Variants in PTPRD observed in about 807,000 individuals in gnomAD.
PTPRD encodes the protein receptor-type tyrosine-protein phosphatase delta.
PTPRD carries 34 observed loss-of-function variants against 214.5 expected under a neutral mutation model. That is an observed-to-expected ratio of 0.16 (90% CI 0.12 to 0.21). The LOEUF is 0.21. PTPRD is among the 10% of genes least tolerant of loss of function. PTPRD has a pLI of 1.00. For missense variants in PTPRD, 2,545 were observed against 2,398.7 expected, an observed-to-expected ratio of 1.06 and a Z score of -1.27; for synonymous variants, 1,128 against 845.7, an observed-to-expected ratio of 1.33 and a Z score of -5.79.
chr9:8,573,685 A>G (rs1293366726), intron 14 of PTPRD, among the ~76,000 whole-genome samples: 1 of 151,978 alleles, frequency 6.6e-6, no homozygotes, highest in Non-Finnish European at 1.5e-5. Context: ...ATGATAAAAA[A>G]TATTCTCTTT....
intron 9 of PTPRD, among the ~76,000 whole-genome samples, chr9:9,357,973 T>C (rs1422476289): frequency 6.6e-6 from 1 of 151,366 alleles, no homozygotes; most frequent in Non-Finnish European, 1.5e-5. Flanking sequence ...AGAGAAACTA[T>C]TTCTCTGGAG....
intron 3 of PTPRD, among the ~76,000 whole-genome samples, chr9:10,333,650 G>A (rs2096791988): frequency 6.6e-6 from 1 of 151,788 alleles, no homozygotes; most frequent in Admixed American, 6.6e-5. Flanking sequence ...ACTCAGCCCA[G>A]TTAATTAAGG....
At chr9:8,419,231 A>T (rs1195570787) in intron 35 of PTPRD, among the ~76,000 whole-genome samples, 1 of 148,494 alleles carries the variant, frequency 6.7e-6, no homozygotes, top group East Asian at 2.0e-4. Flanking sequence ...CTCTCCAAAA[A>T]ATTAAAAAAA....
chr9:8,500,558 G>GAAAAAAAAAAAAAAAAAAAA lies in PTPRD; in HGVS notation c.2128+176_2128+195dup, dbSNP rs146807692. On this transcript the variant is annotated intron_variant, in intron 24 of 45. Transcript: ENST00000381196. ...TTACTGCATTGAGATTGAAAAAAAT[G>GAAAAAAAAAAAAAAAAAAAA]AAAAAAAAAAAAAAAAAAAAAAAAA... is the stretch of plus-strand genomic sequence containing the variant. 3.5e-4 allele frequency among the ~76,000 whole-genome samples: 5 copies of GAAAAAAAAAAAAAAAAAAAA among 14,312 alleles called. 1 individual carries two copies. Among genetic ancestry groups the GAAAAAAAAAAAAAAAAAAAA allele is most frequent in the East Asian group, 1.5e-3 (1 of 656 alleles). 9.4% of individuals were successfully genotyped at this position (14,312 alleles called of 152,430 possible).
chr9:8,912,651 T>C (rs1461529441), intron 11 of PTPRD, among the ~76,000 whole-genome samples: 1 of 152,154 alleles, frequency 6.6e-6, no homozygotes, highest in African/African-American at 2.4e-5. Context: ...ATAAAGCTAT[T>C]AAAATTAGAG....
At chr9:9,443,612 C>T (rs1437344135) in intron 8 of PTPRD, among the ~76,000 whole-genome samples, 2 of 152,138 alleles carry the variant, frequency 1.3e-5, no homozygotes, top group Non-Finnish European at 2.9e-5. Flanking sequence ...TCAGAAAGAT[C>T]GCTTGGAGAA....
chr9:10,498,031 G>C (rs542785142), intron 2 of PTPRD, among the ~76,000 whole-genome samples: 5 of 151,972 alleles, frequency 3.3e-5, no homozygotes, highest in African/African-American at 7.2e-5. Context: ...CAGAAATATT[G>C]CTCATGTTTT....
Position 9,819,823 on chromosome 9 carries a change from A to AT in PTPRD, c.-367-52973dup, listed in dbSNP as rs1047377753. Among the ~76,000 whole-genome samples the AT allele has an allele frequency of 8.6e-5, 13 of 151,598 alleles. No homozygotes were observed. The East Asian group carries it at 9.7e-4, about 11-fold the overall frequency. ...CAGCCATGTTGCTGCAAAGGACACA[A>AT]TTTTTTTTTCTTTTATGGCTATGCA... On this transcript the variant is annotated intron_variant, in intron 5 of 45. Transcript: ENST00000381196.
intron 6 of PTPRD, among the ~76,000 whole-genome samples, chr9:9,735,920 T>A (rs1245134806): frequency 6.6e-6 from 1 of 152,148 alleles, no homozygotes; most frequent in East Asian, 1.9e-4. Flanking sequence ...CTCAATAAAT[T>A]ATCACAAAGT....
At chr9:9,164,696 C>T (rs1467412353) in intron 10 of PTPRD, among the ~76,000 whole-genome samples, 1 of 151,990 alleles carries the variant, frequency 6.6e-6, no homozygotes, top group African/African-American at 2.4e-5. Context: ...AATACAAAGT[C>T]CTAGACTGAT....
chr9:9,496,905 T>C (rs1163608983), intron 8 of PTPRD, among the ~76,000 whole-genome samples: 2 of 152,076 alleles, frequency 1.3e-5, no homozygotes, highest in East Asian at 3.9e-4. Context: ...AAATAGAATA[T>C]CATTCAGCCT....
At position 10,101,803 on chromosome 9, in the gene PTPRD, G is replaced by C. The variant is rs183428298; in HGVS notation, c.-544-68013C>G. On this transcript the variant is annotated intron_variant, in intron 3 of 45. Coordinates refer to ENST00000381196, the MANE Select transcript of PTPRD (RefSeq NM_002839.4). ...AAAATCATAAATCCTAGCCACAGCTGCGGTATATTAGAGGCCACACATTAC... is the reference window on the plus strand; with the variant it reads ...AAAATCATAAATCCTAGCCACAGCTCCGGTATATTAGAGGCCACACATTAC... Among the ~76,000 whole-genome samples, 262 of 151,842 alleles carry C rather than the reference G, an allele frequency of 1.7e-3. 2 individuals are homozygous for C. The highest frequency in any genetic ancestry group is 2.3e-3 in the Non-Finnish European group (154 of 67,826).
chr9:8,644,836 C>T (rs1055920112), intron 12 of PTPRD, among the ~76,000 whole-genome samples: 12 of 152,230 alleles, frequency 7.9e-5, no homozygotes, highest in African/African-American at 2.9e-4. Context: ...GACTCGCAGT[C>T]TCCCTTGAAG....
chr9:9,620,375 A>G (rs141006481), intron 7 of PTPRD, among the ~76,000 whole-genome samples: 1 of 152,280 alleles, frequency 6.6e-6, no homozygotes, highest in African/African-American at 2.4e-5. Context: ...GGTAAATAAG[A>G]TAGTCTGATA....
In PTPRD at chr9:8,497,175, T is replaced by C. The variant is rs2097294983; in HGVS notation, c.2349+67A>G. On this transcript the variant is annotated intron_variant, in intron 26 of 45. Coordinates refer to ENST00000381196, the MANE Select transcript of PTPRD (RefSeq NM_002839.4). Reference sequence around the variant, plus strand: ...ACTGTGATGACAGATCACAAATAAGTGAAAGGATGTCAGAGAAAACAAGCA... The same window carrying C: ...ACTGTGATGACAGATCACAAATAAGCGAAAGGATGTCAGAGAAAACAAGCA... The C allele has an allele frequency of 2.2e-6, 3 of 1,345,922 alleles. No homozygotes were observed. In the South Asian group the frequency reaches 4.1e-5, roughly 18 times the overall value. 83.4% of individuals were successfully genotyped at this position (1,345,922 alleles called of 1,614,324 possible).
At chr9:10,151,503 C>T (rs2099061049) in intron 3 of PTPRD, among the ~76,000 whole-genome samples, 1 of 151,952 alleles carries the variant, frequency 6.6e-6, no homozygotes, top group South Asian at 2.1e-4. Flanking sequence ...CCTGGTGATC[C>T]ACCCACCTCG....
At chr9:8,499,198 C>T (rs1437919056) in intron 25 of PTPRD, among the ~76,000 whole-genome samples, 1 of 152,018 alleles carries the variant, frequency 6.6e-6, no homozygotes, top group Non-Finnish European at 1.5e-5. Flanking sequence ...GAGTACCTGT[C>T]CCTGAATAAA....
chr9:8,713,995 T>G (rs572933244), intron 12 of PTPRD, among the ~76,000 whole-genome samples: 1 of 152,330 alleles, frequency 6.6e-6, no homozygotes, highest in Non-Finnish European at 1.5e-5. Context: ...ATTTCAGGCT[T>G]TGAATCAGTT....
intron 2 of PTPRD, among the ~76,000 whole-genome samples, chr9:10,462,461 G>A (rs968108719): frequency 6.6e-6 from 1 of 152,176 alleles, no homozygotes; most frequent in Non-Finnish European, 1.5e-5. Context: ...CTTGTAAGTG[G>A]TAGAAGCAGT....
Sources: allele counts gnomAD v4.1 joint callset (sites outside exome capture counted in the v4.1 genomes callset), GRCh38; gene constraint gnomAD v4.1.1; transcripts MANE v1.5; gene names NCBI Gene and HGNC (gene_info 2026-07-23, HGNC 2026-07-21).